ASIC2: variants seen among roughly 807,000 people sequenced by gnomAD.
ASIC2 encodes acid-sensing ion channel 2.
A neutral mutation model predicts 57.3 loss-of-function variants in ASIC2; 25 were observed. That is an observed-to-expected ratio of 0.44 (90% CI 0.32 to 0.61). The LOEUF (loss-of-function observed/expected upper bound fraction) is 0.61. Ranked by LOEUF, ASIC2 falls within the 20% of genes least tolerant of loss-of-function variation. The probability of loss-of-function intolerance (pLI) is 0.06; values close to 1 mark genes in which losing one functional copy is unlikely to be tolerated. For synonymous variants in ASIC2, 319 were observed against 307.5 expected, an observed-to-expected ratio of 1.04 and a Z score of -0.39; for missense variants, 641 against 738.1, an observed-to-expected ratio of 0.87 and a Z score of 1.52.
At chr17:34,128,648 A>G (rs891806595) in intron 1 of ASIC2, among the ~76,000 whole-genome samples, 1 of 152,216 alleles carries the variant, frequency 6.6e-6, no homozygotes, top group Non-Finnish European at 1.5e-5. Context: ...TGTGCGCTAG[A>G]TAAGCAAGTT....
chr17:33,389,953 G>A (rs1038113477), intron 1 of ASIC2, among the ~76,000 whole-genome samples: 1 of 152,156 alleles, frequency 6.6e-6, no homozygotes, highest in Non-Finnish European at 1.5e-5. Flanking sequence ...TCCATGTGGA[G>A]CCTCAAGAAT....
At chr17:33,451,641 T>A (rs1472772275) in intron 1 of ASIC2, among the ~76,000 whole-genome samples, 1 of 152,184 alleles carries the variant, frequency 6.6e-6, no homozygotes, top group Non-Finnish European at 1.5e-5. Flanking sequence ...ACTACATCCC[T>A]TATGCCCTCT....
intron 1 of ASIC2, among the ~76,000 whole-genome samples, chr17:33,827,488 T>C (rs958085310): frequency 3.0e-5 from 4 of 134,408 alleles, no homozygotes; most frequent in Non-Finnish European, 3.2e-5. Context: ...CCCGCCACCA[T>C]GCCTGGCTAT....
chr17:33,653,694 C>G (rs1446128344), intron 1 of ASIC2, among the ~76,000 whole-genome samples: 1 of 152,174 alleles, frequency 6.6e-6, no homozygotes, highest in East Asian at 1.9e-4. Context: ...CTTTGGCCAC[C>G]TTCCTGGTCT....
At chr17:33,632,741 C>T (rs1906215167) in intron 1 of ASIC2, among the ~76,000 whole-genome samples, 2 of 152,176 alleles carry the variant, frequency 1.3e-5, no homozygotes, top group South Asian at 4.1e-4. Flanking sequence ...CTGGTCCACC[C>T]TTTGAAACTC....
chr17:33,416,564 G>A (rs1434511206), intron 1 of ASIC2, among the ~76,000 whole-genome samples: 1 of 152,218 alleles, frequency 6.6e-6, no homozygotes, highest in East Asian at 1.9e-4. Context: ...ACTAACCAGG[G>A]CAGGTGCTTG....
intron 1 of ASIC2, among the ~76,000 whole-genome samples, chr17:33,445,957 C>T (rs141650871): frequency 2.8e-4 from 43 of 151,996 alleles, no homozygotes; most frequent in African/African-American, 9.4e-4. Context: ...TCCTAAACCA[C>T]CTATTTAGAC....
At chr17:33,489,871 A>C (rs1913696154) in intron 1 of ASIC2, among the ~76,000 whole-genome samples, 1 of 152,200 alleles carries the variant, frequency 6.6e-6, no homozygotes, top group African/African-American at 2.4e-5. Context: ...AGTGTATCTT[A>C]GTCCTGAGTA....
At chr17:33,207,879 G>A (rs2142084687) in intron 1 of ASIC2, among the ~76,000 whole-genome samples, 1 of 152,336 alleles carries the variant, frequency 6.6e-6, no homozygotes, top group East Asian at 1.9e-4. Flanking sequence ...AGTCCCAATG[G>A]CCCATGGTGC....
In ASIC2 at chr17:33,239,332, G is replaced by A. The variant is rs150848093; in HGVS notation, c.708+52076C>T. ...TGCTCAAATATGAACCCTCTCCTAA[G>A]AGCCCTGATTAAAATTGTAATCCCC... On this transcript the variant is annotated intron_variant, in intron 1 of 9. Transcript: ENST00000225823. Among the ~76,000 whole-genome samples the A allele has an allele frequency of 3.7e-3, 564 of 152,020 alleles. 1 individual carries two copies. The highest frequency in any genetic ancestry group is 6.2e-3 in the Non-Finnish European group (421 of 67,956).
chr17:33,600,434 A>G (rs1028809166), intron 1 of ASIC2, among the ~76,000 whole-genome samples: 1 of 152,230 alleles, frequency 6.6e-6, no homozygotes, highest in Admixed American at 6.5e-5. Context: ...CTGTTATAGC[A>G]GTGCAAAACT....
chr17:33,779,380 T>C (rs1297995261), intron 1 of ASIC2, among the ~76,000 whole-genome samples: 2 of 152,218 alleles, frequency 1.3e-5, no homozygotes, highest in Non-Finnish European at 2.9e-5. Flanking sequence ...TCTGTTTTAT[T>C]ATCAATGCAT....
At chr17:34,039,887 C>T (rs1908041356) in intron 1 of ASIC2, 1 of 1,584,528 alleles carries the variant, frequency 6.3e-7, no homozygotes, top group African/African-American at 1.3e-5. Flanking sequence ...ACTGCCGCCG[C>T]CGCCGCTGCC....
chr17:33,422,929 C>A (rs1597723178), intron 1 of ASIC2, among the ~76,000 whole-genome samples: 1 of 152,050 alleles, frequency 6.6e-6, no homozygotes, highest in African/African-American at 2.4e-5. Flanking sequence ...AGCAGAGCAA[C>A]CAAGAGAGTC....
At chr17:33,878,579 C>T (rs1015096408) in intron 1 of ASIC2, among the ~76,000 whole-genome samples, 8 of 152,156 alleles carry the variant, frequency 5.3e-5, no homozygotes, top group South Asian at 2.1e-4. Context: ...AAGAAATGAA[C>T]GAAGCCTCCA....
In ASIC2 at chr17:33,062,135, G is replaced by A. The variant is rs146172718; in HGVS notation, c.987+26728C>T. ...CAGCTCCTGGATTCACTGATTTTTT[G>A]AAGGGTTTTTTGTGTCTCTATCTCC... On this transcript the variant is annotated intron_variant, in intron 3 of 9. Coordinates refer to ENST00000225823, the MANE Select transcript of ASIC2 (RefSeq NM_183377.2). 9.8e-3 allele frequency among the ~76,000 whole-genome samples: 1,494 copies of A among 152,178 alleles called. 26 individuals are homozygous for A. Among genetic ancestry groups the A allele is most frequent in the African/African-American group, 0.034 (1,420 of 41,516 alleles).
At chr17:33,102,538 G>C (rs1419874579) in intron 2 of ASIC2, among the ~76,000 whole-genome samples, 1 of 152,070 alleles carries the variant, frequency 6.6e-6, no homozygotes, top group East Asian at 1.9e-4. Flanking sequence ...GAGGATTTTT[G>C]TTATATTAGT....
intron 1 of ASIC2, among the ~76,000 whole-genome samples, chr17:33,506,793 A>T (rs182395588): frequency 6.6e-6 from 1 of 152,168 alleles, no homozygotes; most frequent in Admixed American, 6.5e-5. Context: ...CTCTGAGTCA[A>T]TGTAAATAAA....
chr17:33,322,989 A>G (rs1171518818), intron 1 of ASIC2, among the ~76,000 whole-genome samples: 1 of 152,202 alleles, frequency 6.6e-6, no homozygotes, highest in African/African-American at 2.4e-5. Context: ...AGTATTTGAG[A>G]CTGTGACTAT....
Sources: allele counts gnomAD v4.1 joint callset (sites outside exome capture counted in the v4.1 genomes callset), GRCh38; gene constraint gnomAD v4.1.1; transcripts MANE v1.5; gene names NCBI Gene and HGNC (gene_info 2026-07-23, HGNC 2026-07-21).